CCZ1: variants seen among roughly 807,000 people sequenced by gnomAD.
CCZ1 encodes CCZ1 vacuolar protein trafficking and biogenesis associated, also known as vacuolar fusion protein CCZ1 homolog.
CCZ1 carries 19 observed loss-of-function variants against 57.8 expected under a neutral mutation model. That is an observed-to-expected ratio of 0.33 (90% CI 0.23 to 0.48). The LOEUF is 0.48. Among genes scored for constraint, CCZ1 ranks in the 20% least tolerant of loss-of-function variants. The pLI, the probability that CCZ1 is intolerant of heterozygous loss-of-function variation, is 0.99. For synonymous variants in CCZ1, 81 were observed against 167.0 expected, an observed-to-expected ratio of 0.49 and a Z score of 3.97; for missense variants, 200 against 492.0, an observed-to-expected ratio of 0.41 and a Z score of 5.61.
At position 5,901,648 on chromosome 7, in the gene CCZ1, C is replaced by A; in HGVS notation, c.391-9C>A. ...AACTGAGCTGTGTGCTGTGTTTTCG[C>A]GTCTGCAGGACAAGGTTTATAGCTC... On this transcript the variant is annotated splice_polypyrimidine_tract_variant and intron_variant, in intron 4 of 14. Transcript: ENST00000325974. 6.3e-7 allele frequency: 1 copy of A among 1,594,946 alleles called. No individual in the cohort carries two copies.
chr7:5,900,027 GTTCTTC>G (rs142614874), intron 1 of CCZ1, among the ~76,000 whole-genome samples: 1 of 149,070 alleles, frequency 6.7e-6, no homozygotes, highest in Non-Finnish European at 1.5e-5. Context: ...GATCATTCCT[GTTCTTC>G]TTCTTATTTT....
At chr7:5,913,036 C>T in intron 10 of CCZ1, 82 bp downstream of exon 10, 1 of 1,488,898 alleles carries the variant, frequency 6.7e-7, no homozygotes, top group Non-Finnish European at 9.0e-7. Context: ...CATGTGCAAA[C>T]CTCTTAAATG....
chr7:5,907,198 A>G (rs1781851235), intron 7 of CCZ1, among the ~76,000 whole-genome samples: 1 of 149,660 alleles, frequency 6.7e-6, no homozygotes, highest in Non-Finnish European at 1.5e-5. Flanking sequence ...TTATCAGGCA[A>G]CCTTACACTG....
intron 8 of CCZ1, among the ~76,000 whole-genome samples, chr7:5,911,325 C>T (rs928871230): frequency 2.0e-5 from 3 of 148,976 alleles, no homozygotes; most frequent in African/African-American, 7.5e-5. Flanking sequence ...TCCCTCTTGT[C>T]CTCCTGCTTT....
intron 6 of CCZ1, among the ~76,000 whole-genome samples, chr7:5,904,806 G>A (rs943694417): frequency 6.8e-6 from 1 of 147,938 alleles, no homozygotes; most frequent in Non-Finnish European, 1.5e-5. Flanking sequence ...ACTCCAGCCT[G>A]GATGACAGAG....
chr7:5,926,070 CAGCCTCA>C lies in CCZ1; in HGVS notation c.*385_*391del, dbSNP rs1779379019. The C allele has an allele frequency of 5.8e-6, 2 of 345,546 alleles. No individual in the cohort carries two copies. Among genetic ancestry groups the C allele is most frequent in the Non-Finnish European group, 1.1e-5 (2 of 179,296 alleles). 21.4% of individuals were successfully genotyped at this position (345,546 alleles called of 1,614,324 possible). On this transcript the variant is annotated 3_prime_UTR_variant, in exon 15 of 15. Transcript: ENST00000325974. ...CAGGCTGGAATGCAATGGCTCACTGCAGCCTCAACCTCCTGAGCTCAAGCAATCCTCC... is the reference window on the plus strand; with the variant it reads ...CAGGCTGGAATGCAATGGCTCACTGCACCTCCTGAGCTCAAGCAATCCTCC...
At chr7:5,907,081 G>A (rs62453590) in intron 7 of CCZ1, among the ~76,000 whole-genome samples, 19,070 of 148,716 alleles carry the variant, frequency 0.13, 2,056 homozygotes, top group Non-Finnish European at 0.17. Context: ...GGCTGGTCTC[G>A]AACTCCTGAC....
At chr7:5,901,578 T>A in intron 4 of CCZ1, 79 bp from the exon 5 acceptor site, 2 of 1,493,690 alleles carry the variant, frequency 1.3e-6, no homozygotes, top group African/African-American at 1.4e-5. Context: ...GGCCAAGAGT[T>A]AGTGTACCTT....
chr7:5,910,144 A>G (rs769771634), intron 8 of CCZ1, 28 bp downstream of exon 8: 53 of 1,578,442 alleles, frequency 3.4e-5, no homozygotes, highest in Admixed American at 2.0e-4. Flanking sequence ...GCTGCGCACA[A>G]TTACATGCAG....
At chr7:5,909,937 C>G (rs1583186257) in intron 7 of CCZ1, 98 bp from the exon 8 acceptor site, 1 of 969,728 alleles carries the variant, frequency 1.0e-6, no homozygotes, top group Non-Finnish European at 1.5e-6. Flanking sequence ...CTAAAAATGA[C>G]TTGAAAAAAA....
rs1185868915 is a variant in CCZ1, at chr7:5,901,927, G to T, written c.438+223G>T. 5 of 485,476 alleles carry T rather than the reference G, an allele frequency of 1.0e-5. 1 individual carries two copies. Among genetic ancestry groups the T allele is most frequent in the Non-Finnish European group, 1.8e-5 (5 of 284,212 alleles). 30.1% of individuals were successfully genotyped at this position (485,476 alleles called of 1,614,324 possible). On this transcript the variant is annotated intron_variant, in intron 5 of 14. Transcript: ENST00000325974. ...CTTTTCTCAGCCTTATAGTAGGAAT[G>T]TGTCCCCATTGATGAAAAAGTGTGT...
At chr7:5,920,494 A>G in intron 12 of CCZ1, among the ~76,000 whole-genome samples, 1 of 40,248 alleles carries the variant, frequency 2.5e-5, no homozygotes, top group Non-Finnish European at 4.4e-5. Flanking sequence ...TTTTGAGACA[A>G]ATTCCCACTC....
intron 14 of CCZ1, 63 bp downstream of exon 14, chr7:5,924,025 ATGGTT>A: frequency 1.2e-6 from 1 of 855,428 alleles, no homozygotes; most frequent in African/African-American, 2.1e-5. Context: ...ATTAAGAAAC[ATGGTT>A]AAAAAATAGG....
At chr7:5,906,122 C>T (rs1187631355) in intron 7 of CCZ1, among the ~76,000 whole-genome samples, 2 of 146,900 alleles carry the variant, frequency 1.4e-5, no homozygotes, top group Admixed American at 6.7e-5. Context: ...TACCTGCTAT[C>T]GTGAAACTAG....
At chr7:5,904,673 T>TG (rs1781762968) in intron 6 of CCZ1, among the ~76,000 whole-genome samples, 1 of 146,244 alleles carries the variant, frequency 6.8e-6, no homozygotes, top group Admixed American at 6.7e-5. Flanking sequence ...CTACTAAAAA[T>TG]GGAAAAAAAT....
chr7:5,912,451 G>A, intron 9 of CCZ1, among the ~76,000 whole-genome samples: 1 of 124,388 alleles, frequency 8.0e-6, no homozygotes, highest in Admixed American at 9.0e-5. Context: ...GGAGTGTGGA[G>A]TACAGTGGCA....
At position 5,906,904 on chromosome 7, in the gene CCZ1, G is replaced by A. The variant is rs569871563; in HGVS notation, c.698+1635G>A. On this transcript the variant is annotated intron_variant, in intron 7 of 14. Transcript: ENST00000325974. Reference sequence around the variant, plus strand: ...TGTTTTTGAGATGGAGTCGCTTTCTGTTGCCCAGGCTGGAGTGCAGTGGCA... The same window carrying A: ...TGTTTTTGAGATGGAGTCGCTTTCTATTGCCCAGGCTGGAGTGCAGTGGCA... 8.2e-4 allele frequency among the ~76,000 whole-genome samples: 123 copies of A among 149,632 alleles called. 3 individuals carry two copies. The highest frequency in any genetic ancestry group is 1.3e-3 in the Non-Finnish European group (91 of 67,756).
intron 8 of CCZ1, 112 bp downstream of exon 8, chr7:5,910,228 G>GT: frequency 1.0e-6 from 1 of 963,416 alleles, no homozygotes; most frequent in Non-Finnish European, 1.6e-6. Flanking sequence ...TGTATGTTTT[G>GT]TCTTACTGTG....
At chr7:5,924,409 TC>T (rs1298718431) in intron 14 of CCZ1, among the ~76,000 whole-genome samples, 12 of 84,774 alleles carry the variant, frequency 1.4e-4, no homozygotes, top group South Asian at 3.5e-4. Context: ...CCAGCTAATT[TC>T]TTTTTTTTTT....
Sources: gnomAD v4.1 joint callset for allele counts (sites outside exome capture counted in the v4.1 genomes callset) on GRCh38, gnomAD v4.1.1 for gene constraint, MANE v1.5 for transcripts, NCBI Gene and HGNC (gene_info 2026-07-23, HGNC 2026-07-21) for gene names.